Variants in ADAMTS19 observed in about 807,000 individuals in gnomAD.
ADAMTS19 encodes ADAM metallopeptidase with thrombospondin type 1 motif 19, also known as A disintegrin and metalloproteinase with thrombospondin motifs 19.
Under a neutral mutation model 153.3 loss-of-function variants are expected in ADAMTS19, and 93 were observed. That is an observed-to-expected ratio of 0.61 (90% confidence interval 0.51 to 0.72). The LOEUF (loss-of-function observed/expected upper bound fraction) is 0.72. ADAMTS19 is among the 30% of genes least tolerant of loss of function. The pLI is 0.00. For synonymous variants in ADAMTS19, 600 were observed against 556.6 expected (o/e 1.08, Z -1.10); for missense variants, 1,482 against 1,552.1 (o/e 0.95, Z 0.76).
intron 16 of ADAMTS19, among the ~76,000 whole-genome samples, chr5:129,676,610 A>G (rs1435707214): frequency 6.6e-6 from 1 of 152,214 alleles, no homozygotes; most frequent in Non-Finnish European, 1.5e-5. Context: ...TATTTAACCA[A>G]CATCTGAGAA....
chr5:129,533,773 A>C (rs923971047), intron 6 of ADAMTS19, among the ~76,000 whole-genome samples: 6 of 151,722 alleles, frequency 4.0e-5, no homozygotes, highest in Non-Finnish European at 7.4e-5. Flanking sequence ...TGAATGTGTA[A>C]CAGAGATTCT....
intron 3 of ADAMTS19, among the ~76,000 whole-genome samples, chr5:129,521,022 C>T (rs1751781955): frequency 6.6e-6 from 1 of 152,096 alleles, no homozygotes; most frequent in African/African-American, 2.4e-5. Flanking sequence ...TTATAGCCTT[C>T]TAGAATGGAA....
chr5:129,525,035 A>AGGG (rs1751959716), intron 3 of ADAMTS19, among the ~76,000 whole-genome samples: 2 of 152,114 alleles, frequency 1.3e-5, no homozygotes, highest in African/African-American at 4.8e-5. Flanking sequence ...TCATTGCTAT[A>AGGG]TAGTATTCCA....
At chr5:129,680,628 G>A (rs1386998876) in intron 17 of ADAMTS19, among the ~76,000 whole-genome samples, 3 of 152,002 alleles carry the variant, frequency 2.0e-5, no homozygotes, top group East Asian at 3.9e-4. Context: ...TGGGCATGGT[G>A]ACGCATGCCT....
chr5:129,640,147 A>T (rs1038588132), intron 10 of ADAMTS19, among the ~76,000 whole-genome samples: 1 of 152,184 alleles, frequency 6.6e-6, no homozygotes, highest in African/African-American at 2.4e-5. Flanking sequence ...AAAGTCACAG[A>T]AAAGAAAATA....
chr5:129,476,340 C>T (rs1368175004), intron 2 of ADAMTS19, among the ~76,000 whole-genome samples: 4 of 152,090 alleles, frequency 2.6e-5, no homozygotes, highest in Non-Finnish European at 4.4e-5. Flanking sequence ...TAGGAAATCA[C>T]ACAGATAGTG....
In ADAMTS19 at chr5:129,683,154, G is replaced by C. The variant is rs375584901; in HGVS notation, c.2665-966G>C. On this transcript the variant is annotated intron_variant, in intron 17 of 22. Coordinates refer to ENST00000274487, the MANE Select transcript of ADAMTS19 (RefSeq NM_133638.6). ...TAGAAGTGATATATTCCATGGGATTGCTTGACACATTTTCTAAAAATAGAT... is the reference window on the plus strand; with the variant it reads ...TAGAAGTGATATATTCCATGGGATTCCTTGACACATTTTCTAAAAATAGAT... Among the ~76,000 whole-genome samples, 15 of 148,842 alleles carry C rather than the reference G, an allele frequency of 1.0e-4. 4 individuals carry two copies. Among genetic ancestry groups the C allele is most frequent in the African/African-American group, 3.7e-4 (15 of 40,442 alleles).
intron 2 of ADAMTS19, among the ~76,000 whole-genome samples, chr5:129,503,884 C>G (rs1193270753): frequency 6.6e-6 from 1 of 152,070 alleles, no homozygotes; most frequent in East Asian, 1.9e-4. Flanking sequence ...AGACATTTGT[C>G]TAACATGTTT....
At chr5:129,713,809 G>A (rs1756589188) in intron 21 of ADAMTS19, among the ~76,000 whole-genome samples, 1 of 138,446 alleles carries the variant, frequency 7.2e-6, no homozygotes, top group African/African-American at 2.7e-5. Context: ...CAGAGCCATG[G>A]GCCCTGAGCT....
At chr5:129,486,389 A>T (rs547908083) in intron 2 of ADAMTS19, among the ~76,000 whole-genome samples, 5 of 152,312 alleles carry the variant, frequency 3.3e-5, no homozygotes, top group African/African-American at 1.2e-4. Context: ...ATACATTATG[A>T]CAAAAAAAGA....
Position 129,606,498 on chromosome 5 carries a change from A to C in ADAMTS19, c.1478+9834A>C, listed in dbSNP as rs767275860. Among the ~76,000 whole-genome samples the C allele has an allele frequency of 3.2e-4, 48 of 152,194 alleles. 1 individual carries two copies. Among genetic ancestry groups the C allele is most frequent in the Admixed American group, 1.6e-3 (24 of 15,270 alleles). On this transcript the variant is annotated intron_variant, in intron 8 of 22. Coordinates refer to ENST00000274487, the MANE Select transcript of ADAMTS19 (RefSeq NM_133638.6). Reference sequence around the variant, plus strand: ...TATTCCTTCTGGCTTGGACTCTTGCAGTATCCACTTAACTGGTGTCGTCTC... The same window carrying C: ...TATTCCTTCTGGCTTGGACTCTTGCCGTATCCACTTAACTGGTGTCGTCTC...
intron 3 of ADAMTS19, among the ~76,000 whole-genome samples, chr5:129,520,454 T>C (rs978026284): frequency 6.6e-6 from 1 of 152,144 alleles, no homozygotes; most frequent in African/African-American, 2.4e-5. Context: ...AACGTCAGCC[T>C]CTAAAGACAA....
intron 21 of ADAMTS19, among the ~76,000 whole-genome samples, chr5:129,708,187 A>T (rs1197779086): frequency 6.6e-6 from 1 of 152,184 alleles, no homozygotes; most frequent in Non-Finnish European, 1.5e-5. Flanking sequence ...GTTGCCTTTG[A>T]TTTCTAAGAA....
intron 6 of ADAMTS19, among the ~76,000 whole-genome samples, chr5:129,541,381 T>C (rs961873729): frequency 3.9e-5 from 6 of 151,966 alleles, no homozygotes; most frequent in Non-Finnish European, 8.8e-5. Context: ...TATGATGTAT[T>C]ATATATTTAG....
Position 129,460,336 on chromosome 5 carries a change from G to A in ADAMTS19, c.-56G>A. The A allele has an allele frequency of 6.6e-7, 1 of 1,510,940 alleles. No homozygotes were observed. The highest frequency in any genetic ancestry group is 9.1e-7 in the Non-Finnish European group (1 of 1,098,746). The allele number at this position is 1,510,940 out of a possible 1,614,324, so 93.6% of individuals were successfully genotyped here. On this transcript the variant is annotated 5_prime_UTR_variant, in exon 1 of 23. In the 5' UTR this introduces an upstream ATG that the reference lacks. Coordinates refer to ENST00000274487, the MANE Select transcript of ADAMTS19 (RefSeq NM_133638.6). ...TCCGGGGAGGCCGCTGCGCCCCGGA[G>A]TGGATCGCGCTGGAGGCGTGCGCCG... is the stretch of plus-strand genomic sequence containing the variant.
chr5:129,607,635 G>A (rs1008625884), intron 8 of ADAMTS19, among the ~76,000 whole-genome samples: 23 of 152,022 alleles, frequency 1.5e-4, no homozygotes, highest in African/African-American at 3.1e-4. Flanking sequence ...CTTTTGGTAC[G>A]TGATATTTTG....
Position 129,460,438 on chromosome 5 carries a change from G to T in ADAMTS19, c.47G>T (p.Cys16Phe). 1 of 1,614,166 alleles carries T rather than the reference G, an allele frequency of 6.2e-7. No homozygotes were observed. Among genetic ancestry groups the T allele is most frequent in the Non-Finnish European group, 8.5e-7 (1 of 1,180,022 alleles). The change falls in exon 1 of 23, where the codon TGC becomes TTC. Residue 16 changes from cysteine (C) to phenylalanine (F), a missense_variant. This residue lies in a region of ADAMTS19 where 866 missense variants were observed against 827.7 expected (regional missense o/e 1.05). Transcript: ENST00000274487. ...EMRLTHICCC[C>F]LLYQLGFLSN... The stretch of plus-strand genomic sequence containing the variant: ...CGCCTGACTCACATCTGCTGCTGCT[G>T]CCTCCTTTACCAGCTGGGGTTCCTG...
chr5:129,700,251 G>A (rs1755770204), intron 19 of ADAMTS19, among the ~76,000 whole-genome samples: 1 of 152,180 alleles, frequency 6.6e-6, no homozygotes, highest in Admixed American at 6.5e-5. Flanking sequence ...TGCTGAATCA[G>A]TGAGATCAAA....
chr5:129,669,762 T>G (rs1754219507), intron 16 of ADAMTS19, among the ~76,000 whole-genome samples: 1 of 152,124 alleles, frequency 6.6e-6, no homozygotes, highest in Non-Finnish European at 1.5e-5. Flanking sequence ...AAGGTATGGC[T>G]TTGGCATGTT....
Sources: allele counts gnomAD v4.1 joint callset (sites outside exome capture counted in the v4.1 genomes callset), GRCh38; gene constraint gnomAD v4.1.1; regional missense constraint gnomAD v4.1.1; transcripts MANE v1.5; gene names NCBI Gene and HGNC (gene_info 2026-07-23, HGNC 2026-07-21).